NFIB: variants seen among roughly 807,000 people sequenced by gnomAD.
NFIB encodes nuclear factor 1 B-type.
Under a neutral mutation model 61.5 loss-of-function variants are expected in NFIB, and 11 were observed. The ratio of observed to expected loss-of-function variants is 0.18; its 90% CI spans 0.11 to 0.30. The LOEUF (loss-of-function observed/expected upper bound fraction) is 0.30, where lower values mean the gene tolerates loss of function less well. Among genes scored for constraint, NFIB ranks in the 10% least tolerant of loss-of-function variants. NFIB has a pLI of 1.00. For synonymous variants in NFIB, 260 were observed against 216.5 expected, an observed-to-expected ratio of 1.20 and a Z score of -1.76; for missense variants, 471 against 608.9, an observed-to-expected ratio of 0.77 and a Z score of 2.38.
intron 2 of NFIB, among the ~76,000 whole-genome samples, chr9:14,283,551 TGG>T (rs2058517573): frequency 6.6e-6 from 1 of 152,228 alleles, no homozygotes; most frequent in Non-Finnish European, 1.5e-5. Context: ...TTGAGGACAA[TGG>T]ACTCCTCTTT....
intron 1 of NFIB, among the ~76,000 whole-genome samples, chr9:14,309,188 G>A (rs1563997800): frequency 3.3e-5 from 5 of 152,090 alleles, no homozygotes; most frequent in Admixed American, 3.3e-4. Context: ...AATTCCATTA[G>A]GTAAATATGA....
At chr9:14,216,182 T>A (rs540805903) in intron 2 of NFIB, among the ~76,000 whole-genome samples, 3 of 152,192 alleles carry the variant, frequency 2.0e-5, no homozygotes, top group Non-Finnish European at 4.4e-5. Flanking sequence ...CTGGTCACAA[T>A]TTTTTCTTTG....
At chr9:14,470,825 G>T in the NFIB span, among the ~76,000 whole-genome samples, 38 of 152,280 alleles carry the variant, frequency 2.5e-4, no homozygotes, top group Admixed American at 2.2e-3. Context: ...ACAATTTGTT[G>T]TAAGACCTCA....
intron 1 of NFIB, among the ~76,000 whole-genome samples, chr9:14,312,313 C>T (rs1373750393): frequency 2.6e-5 from 4 of 152,120 alleles, no homozygotes; most frequent in African/African-American, 7.2e-5. Flanking sequence ...AATGCATCAT[C>T]GTGATATTAG....
At chr9:14,338,773 CCTTT>C (rs2060915261) in intron 1 of NFIB, among the ~76,000 whole-genome samples, 1 of 151,716 alleles carries the variant, frequency 6.6e-6, no homozygotes, top group Admixed American at 6.6e-5. Context: ...CTTTCTCTTT[CCTTT>C]ATGTTATTAC....
the NFIB span, among the ~76,000 whole-genome samples, chr9:14,471,082 C>T: frequency 4.6e-5 from 7 of 152,174 alleles, no homozygotes; most frequent in Non-Finnish European, 1.5e-5. Context: ...ATTATCTCTA[C>T]AGTAAGCATA....
chr9:14,350,931 A>G (rs887980593), intron 1 of NFIB, among the ~76,000 whole-genome samples: 1 of 152,138 alleles, frequency 6.6e-6, no homozygotes, highest in East Asian at 1.9e-4. Flanking sequence ...CCGCGGGGCA[A>G]AAGAAAGTCG....
At chr9:14,123,924 G>A (rs565339891) in intron 7 of NFIB, among the ~76,000 whole-genome samples, 11 of 152,080 alleles carry the variant, frequency 7.2e-5, no homozygotes, top group African/African-American at 2.4e-4. Flanking sequence ...TCCTTCTTGT[G>A]GTGAACTTTG....
chr9:14,124,455 T>C (rs891610459), intron 7 of NFIB, among the ~76,000 whole-genome samples: 3 of 152,186 alleles, frequency 2.0e-5, no homozygotes, highest in African/African-American at 7.2e-5. Context: ...TTTTTTTAAG[T>C]ATAGCACCAA....
intron 2 of NFIB, among the ~76,000 whole-genome samples, chr9:14,268,195 T>G (rs941565114): frequency 2.0e-5 from 3 of 152,092 alleles, no homozygotes; most frequent in Admixed American, 1.3e-4. Flanking sequence ...CATGAAAATT[T>G]AAAAGCCTGG....
chr9:14,368,226 G>C (rs545626323), intron 1 of NFIB, among the ~76,000 whole-genome samples: 3 of 151,800 alleles, frequency 2.0e-5, no homozygotes, highest in East Asian at 1.9e-4. Context: ...AAGAGAGCTT[G>C]AACTAGGCCA....
chr9:14,379,540 C>G (rs1438895944), intron 1 of NFIB, among the ~76,000 whole-genome samples: 2 of 152,160 alleles, frequency 1.3e-5, no homozygotes, highest in Non-Finnish European at 2.9e-5. Context: ...TAACCTGACT[C>G]ATAAGGATCT....
chr9:14,292,629 A>G (rs1468053887), intron 2 of NFIB, among the ~76,000 whole-genome samples: 3 of 152,178 alleles, frequency 2.0e-5, no homozygotes, highest in African/African-American at 7.2e-5. Flanking sequence ...TGAGTTACTG[A>G]GAGGGACAAA....
chr9:14,095,995 TTA>T (rs2034722649), intron 10 of NFIB, among the ~76,000 whole-genome samples: 1 of 152,310 alleles, frequency 6.6e-6, no homozygotes, highest in Non-Finnish European at 1.5e-5. Flanking sequence ...TTATCATTTA[TTA>T]TGTTTATTAT....
chr9:14,524,009 G>A, the NFIB span, among the ~76,000 whole-genome samples: 1 of 152,110 alleles, frequency 6.6e-6, no homozygotes, highest in African/African-American at 2.4e-5. Flanking sequence ...ACAGATTTGA[G>A]TTCATTACCA....
rs1419575745 is a variant in NFIB at position 14,289,062 on chromosome 9, G to T, written c.562+17927C>A. ...TATTATATCTTGTCCTTTTTTATTA[G>T]TCATTAGATTTTCCAAAGCGTGTGT... On this transcript the variant is annotated intron_variant, in intron 2 of 10. Coordinates refer to ENST00000380953, the MANE Select transcript of NFIB (RefSeq NM_001190737.2). Among the ~76,000 whole-genome samples, 4 of 145,656 alleles carry T rather than the reference G, an allele frequency of 2.7e-5. No individual in the cohort carries two copies. The Admixed American group carries it at 2.8e-4, about 10-fold the overall frequency.
upstream of NFIB, among the ~76,000 whole-genome samples, chr9:14,400,620 T>C (rs1036933454): frequency 7.9e-5 from 12 of 151,910 alleles, no homozygotes; most frequent in Admixed American, 4.6e-4. Context: ...AACATGCTTA[T>C]CACATAATAA....
chr9:14,146,584 T>A lies in NFIB; in HGVS notation c.925+105A>T, dbSNP rs2042299086. ...TACAGGAATCATTTTATGAAAAAAA[T>A]ATACAATCCATATTGGTTTAATTAT... On this transcript the variant is annotated intron_variant, in intron 6 of 10. Transcript: ENST00000380953. 4.7e-6 allele frequency: 7 copies of A among 1,479,298 alleles called. No homozygotes were observed. In the Admixed American group the frequency reaches 1.4e-4, roughly 29 times the overall value. The allele number at this position is 1,479,298 out of a possible 1,614,324, so 91.6% of individuals were successfully genotyped here.
chr9:14,291,760 A>C lies in NFIB; in HGVS notation c.562+15229T>G, dbSNP rs185331216. ...AAAGCAGAACTTCTAACAGCTCCTC[A>C]TAACTAGCTCTGACCTTTTCTTTAA... On this transcript the variant is annotated intron_variant, in intron 2 of 10. Coordinates refer to ENST00000380953, the MANE Select transcript of NFIB (RefSeq NM_001190737.2). 3.6e-3 allele frequency among the ~76,000 whole-genome samples: 541 copies of C among 152,148 alleles called. 4 individuals are homozygous for C. The highest frequency in any genetic ancestry group is 6.8e-3 in the Middle Eastern group (2 of 294).
Sources: gnomAD v4.1 joint callset for allele counts (sites outside exome capture counted in the v4.1 genomes callset) on GRCh38, gnomAD v4.1.1 for gene constraint, MANE v1.5 for transcripts, NCBI Gene and HGNC (gene_info 2026-07-23, HGNC 2026-07-21) for gene names.